DENND4C: variants seen among roughly 807,000 people sequenced by gnomAD.
DENND4C encodes the protein DENN domain containing 4C.
In DENND4C, 108 loss-of-function variants were observed where a neutral mutation model predicts 203.0. The observed-to-expected ratio is 0.53, with a 90% CI of 0.46 to 0.62. The LOEUF is 0.62. Among genes scored for constraint, DENND4C ranks in the 20% least tolerant of loss-of-function variants. The probability of loss-of-function intolerance (pLI) is 0.00; values close to 1 mark genes in which losing one functional copy is unlikely to be tolerated. For synonymous variants in DENND4C, 871 were observed against 792.4 expected (o/e 1.10, Z -1.67); for missense variants, 2,481 against 2,301.2 (o/e 1.08, Z -1.60).
Position 19,371,955 on chromosome 9 carries a change from A to AT in DENND4C, c.5741-79dup, listed in dbSNP as rs983935071. The stretch of plus-strand genomic sequence containing the variant: ...TAAATATATAGTTCAAATACATATA[A>AT]TTTGACTCAATACCAATTTGAAATG... On this transcript the variant is annotated intron_variant, in intron 32 of 32. Coordinates refer to ENST00000434457, the MANE Select transcript of DENND4C (RefSeq NM_001330640.2). The AT allele has an allele frequency of 1.1e-5, 16 of 1,432,720 alleles. No individual in the cohort carries two copies. The African/African-American group carries it at 2.0e-4, about 18-fold the overall frequency. The allele number at this position is 1,432,720 out of a possible 1,614,324, so 88.8% of individuals were successfully genotyped here.
At chr9:19,271,310 A>AGG (rs1324582714) in intron 1 of DENND4C, among the ~76,000 whole-genome samples, 3 of 149,604 alleles carry the variant, frequency 2.0e-5, no homozygotes, top group Non-Finnish European at 1.5e-5. Context: ...AGTGATTCTC[A>AGG]TGCCTCAGCG....
chr9:19,303,538 T>G (rs984730583), intron 9 of DENND4C, among the ~76,000 whole-genome samples: 1 of 152,212 alleles, frequency 6.6e-6, no homozygotes, highest in Non-Finnish European at 1.5e-5. Flanking sequence ...AGTTGCTGAC[T>G]TTTATCCTAA....
intron 20 of DENND4C, among the ~76,000 whole-genome samples, chr9:19,340,062 C>G (rs1162642256): frequency 1.3e-5 from 2 of 152,140 alleles, no homozygotes; most frequent in African/African-American, 4.8e-5. Context: ...TGTTCTAGCT[C>G]AATCTTGTAC....
rs912214707 is a variant in DENND4C, at chr9:19,331,544, C to T, written c.2254-434C>T. The stretch of plus-strand genomic sequence containing the variant: ...AGGAGTCTGTCAGTGAGGGAGTTAA[C>T]ATAGACTGTAGCTTGGGAAGACAGA... On this transcript the variant is annotated intron_variant, in intron 16 of 32. Coordinates refer to ENST00000434457, the MANE Select transcript of DENND4C (RefSeq NM_001330640.2). Among the ~76,000 whole-genome samples the T allele has an allele frequency of 7.2e-5, 11 of 152,172 alleles. 1 individual carries two copies. Among genetic ancestry groups the T allele is most frequent in the Non-Finnish European group, 1.0e-4 (7 of 67,990 alleles).
At chr9:19,274,442 T>G (rs1194768604) in intron 1 of DENND4C, among the ~76,000 whole-genome samples, 1 of 152,046 alleles carries the variant, frequency 6.6e-6, no homozygotes, top group South Asian at 2.1e-4. Context: ...ATTACAGGCA[T>G]GCGCCACCGC....
chr9:19,238,453 C>T (rs1822604107), intron 1 of DENND4C, among the ~76,000 whole-genome samples: 1 of 63,720 alleles, frequency 1.6e-5, no homozygotes, highest in Non-Finnish European at 3.1e-5. Context: ...CTTTCCTTCC[C>T]CTCCCCTCCC....
chr9:19,231,845 T>A (rs1820646400), intron 1 of DENND4C, among the ~76,000 whole-genome samples: 1 of 151,928 alleles, frequency 6.6e-6, no homozygotes, highest in Admixed American at 6.6e-5. Flanking sequence ...AAACCCGTGT[T>A]GAGGCGTTCT....
At chr9:19,311,884 T>C (rs1840805530) in intron 10 of DENND4C, among the ~76,000 whole-genome samples, 1 of 152,164 alleles carries the variant, frequency 6.6e-6, no homozygotes, top group African/African-American at 2.4e-5. Context: ...CTGGCAACAT[T>C]TGTCAAAATT....
At position 19,357,096 on chromosome 9, in the gene DENND4C, G is replaced by T. The variant is rs141019742; in HGVS notation, c.4906G>T (p.Asp1636Tyr). The T allele has an allele frequency of 6.2e-7, 1 of 1,613,816 alleles. No homozygotes were observed. The highest frequency in any genetic ancestry group is 1.3e-5 in the African/African-American group (1 of 75,004). ...AGAACCTGACTTGATCAACTTTATG[G>T]ACTTCCCAAAACATAACCAGATCAT... is the stretch of plus-strand genomic sequence containing the variant. ...LAEPDLINFM[D>Y]FPKHNQIITE... The change falls in exon 27 of 33, where the codon GAC becomes TAC. Residue 1636 changes from aspartate to tyrosine, a missense_variant. Physicochemically the swap from Asp to Tyr is radical, Grantham distance 160 (BLOSUM62 -3). Coordinates refer to ENST00000434457, the MANE Select transcript of DENND4C (RefSeq NM_001330640.2).
At chr9:19,315,155 C>CAAAAA (rs10623955) in intron 10 of DENND4C, among the ~76,000 whole-genome samples, 1,977 of 119,370 alleles carry the variant, frequency 0.017, 72 homozygotes, top group African/African-American at 0.061. Context: ...GACTCCGTCT[C>CAAAAA]AAAAAAAAAA....
At chr9:19,366,897 CA>C (rs1347355487) in intron 30 of DENND4C, among the ~76,000 whole-genome samples, 1 of 152,078 alleles carries the variant, frequency 6.6e-6, no homozygotes, top group Non-Finnish European at 1.5e-5. Context: ...TTTAAACCAT[CA>C]AAAAAGTGAA....
At chr9:19,334,270 C>CG (rs1448632615) in intron 17 of DENND4C, among the ~76,000 whole-genome samples, 1 of 152,014 alleles carries the variant, frequency 6.6e-6, no homozygotes, top group Non-Finnish European at 1.5e-5. Flanking sequence ...AGGCTGATCT[C>CG]GAACTCCTGA....
chr9:19,277,736 A>G (rs1406579133), intron 2 of DENND4C, among the ~76,000 whole-genome samples: 6 of 151,990 alleles, frequency 3.9e-5, no homozygotes, highest in Non-Finnish European at 7.4e-5. Flanking sequence ...CTCATTCCTG[A>G]TTTTAGGTGG....
chr9:19,272,601 A>T (rs913670366), intron 1 of DENND4C, among the ~76,000 whole-genome samples: 40 of 152,054 alleles, frequency 2.6e-4, no homozygotes, highest in African/African-American at 9.4e-4. Context: ...TGGGATATCC[A>T]TATGTAAAAA....
rs553153681 is a variant in DENND4C at position 19,350,770 on chromosome 9, G to A, written c.4386G>A (p.Ser1462=). 28 of 1,613,590 alleles carry A rather than the reference G, an allele frequency of 1.7e-5. No homozygotes were observed. Among genetic ancestry groups the A allele is most frequent in the Admixed American group, 1.7e-4 (10 of 59,938 alleles). Residue 1462 remains serine (S), a synonymous_variant, in exon 24 of 33, where the codon TCG becomes TCA. Coordinates refer to ENST00000434457, the MANE Select transcript of DENND4C (RefSeq NM_001330640.2). The stretch of plus-strand genomic sequence containing the variant: ...ACCATATTTTGGGGGAGAATATATC[G>A]CCTAACACAAGTATCTCAGGGTTGG... ...LEDHILGENI[S]PNTSISGLVP...
chr9:19,266,581 A>G (rs956378201), intron 1 of DENND4C, among the ~76,000 whole-genome samples: 1 of 152,210 alleles, frequency 6.6e-6, no homozygotes, highest in African/African-American at 2.4e-5. Flanking sequence ...AAACTATACT[A>G]CAAGGCTACA....
intron 13 of DENND4C, among the ~76,000 whole-genome samples, chr9:19,324,806 A>G (rs541334952): frequency 6.6e-6 from 1 of 152,182 alleles, no homozygotes; most frequent in Non-Finnish European, 1.5e-5. Context: ...TGCAACTTTG[A>G]ACTTCTTGCC....
intron 12 of DENND4C, among the ~76,000 whole-genome samples, 164 bp from the exon 13 acceptor site, chr9:19,324,198 A>G (rs1192197198): frequency 1.3e-5 from 2 of 152,124 alleles, no homozygotes; most frequent in Non-Finnish European, 2.9e-5. Context: ...GGTCCCAAGC[A>G]TTTCAGATAA....
intron 6 of DENND4C, among the ~76,000 whole-genome samples, chr9:19,296,451 A>G (rs1837484740): frequency 7.1e-6 from 1 of 141,464 alleles, no homozygotes; most frequent in Non-Finnish European, 1.5e-5. Flanking sequence ...TGCAACCTCC[A>G]CCTCCTGGGT....
Sources: gnomAD v4.1 joint callset for allele counts (sites outside exome capture counted in the v4.1 genomes callset) on GRCh38, gnomAD v4.1.1 for gene constraint, MANE v1.5 for transcripts, NCBI Gene and HGNC (gene_info 2026-07-23, HGNC 2026-07-21) for gene names.